The following EFCAB13 variants were observed in gnomAD, a reference collection of about 807,000 sequenced individuals.
The protein encoded by EFCAB13 is EF-hand calcium binding domain 13.
In EFCAB13, 91 loss-of-function variants were observed where a neutral mutation model predicts 110.2. That is an observed-to-expected ratio of 0.83 (90% CI 0.70 to 0.98). The LOEUF (loss-of-function observed/expected upper bound fraction) is 0.98. Ranked by LOEUF, EFCAB13 falls within the 50% of genes least tolerant of loss-of-function variation. EFCAB13 has a pLI of 0.00. For missense variants in EFCAB13, 968 were observed against 1,119.4 expected, an observed-to-expected ratio of 0.86 and a Z score of 1.93; for synonymous variants, 323 against 369.9, an observed-to-expected ratio of 0.87 and a Z score of 1.45.
At chr17:47,373,289 A>C (rs1181378922) in intron 11 of EFCAB13, among the ~76,000 whole-genome samples, 3 of 151,950 alleles carry the variant, frequency 2.0e-5, no homozygotes, top group Non-Finnish European at 4.4e-5. Flanking sequence ...GTGTAATTTC[A>C]GTGTCTCTGT....
At position 47,431,387 on chromosome 17, in the gene EFCAB13, A is replaced by ATT. The variant is rs142606413; in HGVS notation, c.2638+1435_2638+1436dup. On this transcript the variant is annotated intron_variant, in intron 24 of 24. Coordinates refer to ENST00000331493, the MANE Select transcript of EFCAB13 (RefSeq NM_152347.5). This position sits in a 1 kb window ranked among gnomAD's most constrained non-coding sequence, Gnocchi z 4.1. The stretch of plus-strand genomic sequence containing the variant: ...AATATTTAGCTCAATAATTTTAAGG[A>ATT]TTTTTTTTTTGTTTGTAATACATAC... Among the ~76,000 whole-genome samples the ATT allele has an allele frequency of 1.4e-5, 2 of 147,208 alleles. No individual in the cohort carries two copies. Among genetic ancestry groups the ATT allele is most frequent in the African/African-American group, 5.0e-5 (2 of 40,110 alleles).
chr17:47,409,034 C>T (rs2065819997), intron 20 of EFCAB13, among the ~76,000 whole-genome samples: 1 of 151,922 alleles, frequency 6.6e-6, no homozygotes, highest in Non-Finnish European at 1.5e-5. Context: ...GTATTCTAAC[C>T]TCTGTTTGTT....
Position 47,404,549 on chromosome 17 carries a change from C to G in EFCAB13, c.2162-13C>G. On this transcript the variant is annotated splice_polypyrimidine_tract_variant and intron_variant, in intron 19 of 24. Transcript: ENST00000331493. ...AGGGGTTCTTGTTTGTCATCTCTCT[C>G]TTTTCCTTGCAGAAGATAACATGGT... 7 of 1,609,080 alleles carry G rather than the reference C, an allele frequency of 4.4e-6. No homozygotes were observed. Among genetic ancestry groups the G allele is most frequent in the Non-Finnish European group, 5.9e-6 (7 of 1,177,488 alleles).
chr17:47,403,767 G>T, intron 18 of EFCAB13, 111 bp from the exon 19 acceptor site: 1 of 919,108 alleles, frequency 1.1e-6, no homozygotes, highest in Non-Finnish European at 1.5e-6. Context: ...TTCTCTCTGA[G>T]ATTTCTTATT....
intron 4 of EFCAB13, chr17:47,329,787 C>T (rs568476116): frequency 6.6e-6 from 1 of 152,152 alleles, no homozygotes; most frequent in African/African-American, 2.4e-5. Flanking sequence ...TACCCCTTTT[C>T]CCCCTCAGCT....
At chr17:47,357,350 G>A (rs1466765690) in intron 9 of EFCAB13, among the ~76,000 whole-genome samples, 1 of 152,156 alleles carries the variant, frequency 6.6e-6, no homozygotes, top group Non-Finnish European at 1.5e-5. Flanking sequence ...ACTTAGAATA[G>A]CTTATTTACT....
At chr17:47,339,751 G>A (rs2065373251) in intron 5 of EFCAB13, 1 of 150,480 alleles carries the variant, frequency 6.6e-6, no homozygotes, top group Non-Finnish European at 1.5e-5. Context: ...GGAAAAAGGA[G>A]AAATAAGAGA....
intron 9 of EFCAB13, among the ~76,000 whole-genome samples, chr17:47,351,438 A>G (rs1191610073): frequency 6.6e-6 from 1 of 152,126 alleles, no homozygotes; most frequent in Non-Finnish European, 1.5e-5. Flanking sequence ...TCTTTTTGAG[A>G]TAATGGTTTC....
At chr17:47,370,545 A>G in intron 11 of EFCAB13, 37 bp downstream of exon 11, 2 of 1,377,032 alleles carry the variant, frequency 1.5e-6, no homozygotes, top group Non-Finnish European at 1.0e-6. Flanking sequence ...AGTTTTGTTT[A>G]TAATTAAAGT....
chr17:47,436,117 C>T (rs561732040), intron 24 of EFCAB13, among the ~76,000 whole-genome samples: 2 of 152,180 alleles, frequency 1.3e-5, no homozygotes, highest in Admixed American at 6.5e-5. Context: ...ATCCCTGGTA[C>T]GAAACCCACT....
intron 11 of EFCAB13, 85 bp downstream of exon 11, chr17:47,370,593 A>G (rs2065576348): frequency 2.1e-6 from 2 of 954,314 alleles, no homozygotes; most frequent in East Asian, 2.8e-5. Context: ...TTTATTTTAT[A>G]AAGGGTTTTG....
chr17:47,326,068 A>G (rs2065284554), intron 2 of EFCAB13, among the ~76,000 whole-genome samples, 158 bp from the exon 3 acceptor site: 1 of 151,248 alleles, frequency 6.6e-6, no homozygotes, highest in African/African-American at 2.4e-5. Flanking sequence ...AGAAAGGTGA[A>G]TGGATAGATG....
At chr17:47,369,853 A>G (rs1409039186) in intron 10 of EFCAB13, 8 of 153,084 alleles carry the variant, frequency 5.2e-5, no homozygotes, top group Non-Finnish European at 8.7e-5. Flanking sequence ...GCATTATCCA[A>G]GAAGTAAAAT....
chr17:47,325,714 T>TC (rs1387401485), intron 2 of EFCAB13, among the ~76,000 whole-genome samples: 1 of 151,754 alleles, frequency 6.6e-6, no homozygotes, highest in Non-Finnish European at 1.5e-5. Context: ...CTCAAAAGTC[T>TC]CCCTCTCAGT....
chr17:47,340,289 C>G (rs1048611951), intron 5 of EFCAB13, among the ~76,000 whole-genome samples: 1 of 151,342 alleles, frequency 6.6e-6, no homozygotes, highest in Non-Finnish European at 1.5e-5. Flanking sequence ...TGAACTGGTA[C>G]CACTAGGCAA....
intron 23 of EFCAB13, among the ~76,000 whole-genome samples, chr17:47,425,646 A>G (rs1179673898): frequency 6.6e-6 from 1 of 152,228 alleles, no homozygotes; most frequent in East Asian, 1.9e-4. Flanking sequence ...GTCACAGAAG[A>G]TAAGGAGTAG....
Position 47,440,704 on chromosome 17 carries a change from C to A in EFCAB13, c.2912C>A (p.Ser971Ter). ...AATATTGCTAAGCTTAACCCAAACT[C>A]AAAATTTTAGGTAGTCTTACTTGAT... ...KANIAKLNPN[S>*]KF Residue 971 changes from serine to a stop codon, truncating the protein, a stop_gained, in exon 25 of 25, where the codon TCA (serine) becomes TAA (stop). Coordinates refer to ENST00000331493, the MANE Select transcript of EFCAB13 (RefSeq NM_152347.5). LOFTEE classifies it high-confidence loss of function. 3 of 1,560,994 alleles carry A rather than the reference C, an allele frequency of 1.9e-6. No individual in the cohort carries two copies. In the South Asian group the frequency reaches 3.7e-5, roughly 19 times the overall value.
chr17:47,374,935 G>A lies in EFCAB13; in HGVS notation c.1341G>A (p.Ser447=), dbSNP rs377629904. ...ATTCCAGTCTCCAAAAACAGGTTTC[G>A]TCTACGGAAAAAACTGCAATTAGTA... The part of the protein sequence containing the change: ...RKHSSLQKQV[S]STEKTAISTL... The change falls in exon 12 of 25, where the codon TCG becomes TCA. Residue 447 remains serine, a synonymous_variant. Transcript: ENST00000331493. The A allele has an allele frequency of 4.7e-4, 739 of 1,583,816 alleles. 13 individuals carry two copies. In the South Asian group the frequency reaches 7.7e-3, roughly 16 times the overall value.
At chr17:47,376,442 C>T (rs1044508201) in intron 12 of EFCAB13, among the ~76,000 whole-genome samples, 1 of 152,286 alleles carries the variant, frequency 6.6e-6, no homozygotes, top group Middle Eastern at 3.4e-3. Flanking sequence ...ATGATGTCAT[C>T]TACCACAGCC....
Sources: gnomAD v4.1 joint callset for allele counts (sites outside exome capture counted in the v4.1 genomes callset) on GRCh38, gnomAD v4.1.1 for gene constraint, Gnocchi (gnomAD v3.1) non-coding constraint, MANE v1.5 for transcripts, NCBI Gene and HGNC (gene_info 2026-07-23, HGNC 2026-07-21) for gene names.